Variants in ADAMTSL1 observed in about 807,000 individuals in gnomAD.
ADAMTSL1 encodes the protein ADAMTS-like protein 1.
A neutral mutation model predicts 201.8 loss-of-function variants in ADAMTSL1; 126 were observed. The observed-to-expected ratio is 0.62, with a 90% CI of 0.54 to 0.72. The LOEUF is 0.72. Ranked by LOEUF, ADAMTSL1 falls within the 30% of genes least tolerant of loss-of-function variation. The pLI, the probability that ADAMTSL1 is intolerant of heterozygous loss-of-function variation, is 0.00. For synonymous variants in ADAMTSL1, 1,121 were observed against 903.4 expected (o/e 1.24, Z -4.32); for missense variants, 2,679 against 2,277.8 (o/e 1.18, Z -3.59).
chr9:18,160,631 C>T (rs760149154), intron 1 of ADAMTSL1, among the ~76,000 whole-genome samples: 27 of 151,746 alleles, frequency 1.8e-4, no homozygotes, highest in Non-Finnish European at 2.1e-4. Flanking sequence ...GAATCCTGGT[C>T]TGAGCATGGG....
At chr9:18,347,195 C>A (rs1368697052) in intron 2 of ADAMTSL1, among the ~76,000 whole-genome samples, 10 of 152,068 alleles carry the variant, frequency 6.6e-5, no homozygotes, top group Admixed American at 6.6e-4. Flanking sequence ...TATATTTATC[C>A]TCTTCCAATA....
At position 17,997,775 on chromosome 9, in the gene ADAMTSL1, CAGTT is replaced by C. The variant is rs537449790; in HGVS notation, c.87+90854_87+90857del. Among the ~76,000 whole-genome samples, 27 of 152,094 alleles carry C rather than the reference CAGTT, an allele frequency of 1.8e-4. No homozygotes were observed. The East Asian group carries it at 5.2e-3, about 30-fold the overall frequency. On this transcript the variant is annotated intron_variant, in intron 1 of 29. Coordinates refer to the ADAMTSL1 transcript ENST00000680146. ...GAATATGGTAGCATTTCAAAAATGA[CAGTT>C]GGTATTATTTTAAGAAAACAGATTT...
intron 7 of ADAMTSL1, among the ~76,000 whole-genome samples, chr9:18,646,392 G>A (rs2132864745): frequency 6.6e-6 from 1 of 151,916 alleles, no homozygotes; most frequent in African/African-American, 2.4e-5. Flanking sequence ...TCCTTCTCCT[G>A]CCTAATTGCC....
chr9:18,794,417 C>T (rs1419514813), intron 19 of ADAMTSL1, among the ~76,000 whole-genome samples: 1 of 80,646 alleles, frequency 1.2e-5, no homozygotes, highest in African/African-American at 5.1e-5. Context: ...AAAAAAAAAA[C>T]AAAAACAAAA....
Position 18,711,526 on chromosome 9 carries a change from G to A in ADAMTSL1, c.1876+4478G>A, listed in dbSNP as rs549034143. Among the ~76,000 whole-genome samples, 15 of 152,374 alleles carry A rather than the reference G, an allele frequency of 9.8e-5. No individual in the cohort carries two copies. The East Asian group carries it at 2.7e-3, about 27-fold the overall frequency. The stretch of plus-strand genomic sequence containing the variant: ...ATCGGGTCACTCCCACCCAAATACT[G>A]CGCTTTTCCGACGGGCTTAAAAAAC... On this transcript the variant is annotated intron_variant, in intron 14 of 28. Transcript: ENST00000380548.
intron 5 of ADAMTSL1, among the ~76,000 whole-genome samples, chr9:18,635,733 C>T (rs1827068603): frequency 6.6e-6 from 1 of 152,124 alleles, no homozygotes; most frequent in South Asian, 2.1e-4. Flanking sequence ...AGGCCAAATC[C>T]TCTAGGAGTT....
intron 2 of ADAMTSL1, among the ~76,000 whole-genome samples, chr9:18,404,366 T>C (rs1818102975): frequency 6.6e-6 from 1 of 152,200 alleles, no homozygotes; most frequent in Non-Finnish European, 1.5e-5. Context: ...AAGGATTTTA[T>C]GAATATTTGA....
intron 3 of ADAMTSL1, among the ~76,000 whole-genome samples, chr9:18,544,372 C>T (rs1350559581): frequency 1.3e-5 from 2 of 152,078 alleles, no homozygotes; most frequent in East Asian, 3.9e-4. Flanking sequence ...TTGTTCATAA[C>T]TCAAGGTGAT....
chr9:18,669,737 A>G (rs1262468408), intron 9 of ADAMTSL1, among the ~76,000 whole-genome samples: 1 of 152,182 alleles, frequency 6.6e-6, no homozygotes, highest in East Asian at 1.9e-4. Flanking sequence ...TACTCTTAGC[A>G]TACACTAGGA....
At chr9:18,476,477 A>G (rs915680749) in intron 1 of ADAMTSL1, among the ~76,000 whole-genome samples, 3 of 152,148 alleles carry the variant, frequency 2.0e-5, no homozygotes, top group Non-Finnish European at 4.4e-5. Context: ...CATTAAAGAT[A>G]TGTACAATAT....
At chr9:18,703,980 T>A (rs1378296184) in intron 13 of ADAMTSL1, among the ~76,000 whole-genome samples, 20 of 151,914 alleles carry the variant, frequency 1.3e-4, no homozygotes, top group Admixed American at 1.3e-3. Context: ...TGGCTACTTG[T>A]CATATTCCAT....
chr9:18,300,805 C>T (rs945837600), intron 2 of ADAMTSL1, among the ~76,000 whole-genome samples: 91 of 152,204 alleles, frequency 6.0e-4, no homozygotes, highest in Non-Finnish European at 2.9e-5. Flanking sequence ...ACCTACAGTA[C>T]CCAGCCGAAA....
intron 4 of ADAMTSL1, among the ~76,000 whole-genome samples, chr9:18,613,124 C>G (rs1165581862): frequency 1.3e-5 from 2 of 152,132 alleles, no homozygotes; most frequent in African/African-American, 4.8e-5. Flanking sequence ...CTCAACATCA[C>G]TGATCATTAG....
intron 1 of ADAMTSL1, among the ~76,000 whole-genome samples, chr9:18,122,846 C>T (rs1275156487): frequency 6.6e-6 from 1 of 152,068 alleles, no homozygotes; most frequent in Non-Finnish European, 1.5e-5. Flanking sequence ...TCAGGCGATC[C>T]TCCCACCTCA....
intron 12 of ADAMTSL1, among the ~76,000 whole-genome samples, chr9:18,684,145 A>G (rs566070484): frequency 6.6e-6 from 1 of 152,302 alleles, no homozygotes; most frequent in African/African-American, 2.4e-5. Flanking sequence ...AAGTCAAATT[A>G]TGTGTTATGA....
chr9:18,858,255 C>G (rs750935082), intron 23 of ADAMTSL1, among the ~76,000 whole-genome samples: 5 of 152,116 alleles, frequency 3.3e-5, no homozygotes, highest in Non-Finnish European at 5.9e-5. Context: ...CTTATGCGAT[C>G]AAGCCCTCCA....
At chr9:18,774,301 C>G (rs1820858003) in intron 17 of ADAMTSL1, among the ~76,000 whole-genome samples, 1 of 152,124 alleles carries the variant, frequency 6.6e-6, no homozygotes, top group Non-Finnish European at 1.5e-5. Flanking sequence ...TTACAAACCT[C>G]TTGTCTGAAA....
At chr9:18,730,041 T>C (rs1037102744) in intron 15 of ADAMTSL1, among the ~76,000 whole-genome samples, 4 of 152,166 alleles carry the variant, frequency 2.6e-5, no homozygotes, top group Admixed American at 6.5e-5. Context: ...CTTTTTTTTT[T>C]CTAAGTTTTT....
intron 16 of ADAMTSL1, among the ~76,000 whole-genome samples, chr9:18,759,829 A>C (rs1458913406): frequency 6.6e-6 from 1 of 152,236 alleles, no homozygotes; most frequent in East Asian, 1.9e-4. Context: ...GCTTGAGACT[A>C]GATGAACAAG....
Sources: gnomAD v4.1 joint callset for allele counts (sites outside exome capture counted in the v4.1 genomes callset) on GRCh38, gnomAD v4.1.1 for gene constraint, MANE v1.5 for transcripts, NCBI Gene and HGNC (gene_info 2026-07-23, HGNC 2026-07-21) for gene names.